Variants in MCC observed in about 807,000 individuals in gnomAD.
The protein encoded by MCC is colorectal mutant cancer protein.
Under a neutral mutation model 116.2 loss-of-function variants are expected in MCC, and 90 were observed. That is an observed-to-expected ratio of 0.77 (90% CI 0.65 to 0.92). The LOEUF (loss-of-function observed/expected upper bound fraction) is 0.92, where lower values mean the gene tolerates loss of function less well. Ranked by LOEUF, MCC falls within the 40% of genes least tolerant of loss-of-function variation. The pLI is 0.00. For missense variants in MCC, 1,516 were observed against 1,312.2 expected, an observed-to-expected ratio of 1.16 and a Z score of -2.40; for synonymous variants, 578 against 510.5, an observed-to-expected ratio of 1.13 and a Z score of -1.78.
chr5:113,060,419 C>T (rs191283272), intron 14 of MCC, among the ~76,000 whole-genome samples: 3 of 152,258 alleles, frequency 2.0e-5, no homozygotes, highest in Non-Finnish European at 4.4e-5. Flanking sequence ...TCCCAAAGTG[C>T]TGGGATTACA....
rs184857329 is a variant in MCC, at chr5:113,123,414, G to C, written c.885-588C>G. On this transcript the variant is annotated intron_variant, in intron 5 of 18. Transcript: ENST00000408903. ...GAAAGTAGGTAGAACTAGGGGGTAG[G>C]AAGAGAGGATGCAATGAGGAGAAAA... Among the ~76,000 whole-genome samples, 7 of 152,300 alleles carry C rather than the reference G, an allele frequency of 4.6e-5. No homozygotes were observed. The East Asian group carries it at 1.2e-3, about 25-fold the overall frequency.
At chr5:113,108,331 TAAAAAAAAAAAA>T (rs56780207) in intron 6 of MCC, among the ~76,000 whole-genome samples, 7 of 42,768 alleles carry the variant, frequency 1.6e-4, no homozygotes, top group South Asian at 1.9e-3. Flanking sequence ...CACTCTATCT[TAAAAAAAAAAAA>T]AAAAAAAAAA....
At chr5:113,472,777 G>A (rs1463823712) in intron 1 of MCC, among the ~76,000 whole-genome samples, 1 of 152,198 alleles carries the variant, frequency 6.6e-6, no homozygotes, top group African/African-American at 2.4e-5. Context: ...TTATTTCACA[G>A]ATGCTAATTC....
At chr5:113,423,628 A>C (rs2150408046) in intron 1 of MCC, among the ~76,000 whole-genome samples, 1 of 152,332 alleles carries the variant, frequency 6.6e-6, no homozygotes, top group East Asian at 1.9e-4. Flanking sequence ...CACCAGAGAA[A>C]GCCAGACTGA....
intron 1 of MCC, among the ~76,000 whole-genome samples, chr5:113,387,103 G>A (rs1769279331): frequency 6.6e-6 from 1 of 151,990 alleles, no homozygotes; most frequent in South Asian, 2.1e-4. Flanking sequence ...GTCATCATTA[G>A]GAGAAAAACA....
Position 113,071,182 on chromosome 5 carries a change from C to T in MCC, c.1837G>A (p.Glu613Lys). The T allele has an allele frequency of 6.2e-7, 1 of 1,614,148 alleles. No individual in the cohort carries two copies. The highest frequency in any genetic ancestry group is 8.5e-7 in the Non-Finnish European group (1 of 1,180,020). ...ATCCTCTCGGCATTGCTTTTACATTCCTCCAAGGTTATGGTCAGGAGGTCA... is the reference window on the plus strand; with the variant it reads ...ATCCTCTCGGCATTGCTTTTACATTTCTCCAAGGTTATGGTCAGGAGGTCA... ...QNDLLTITLE[E>K]CKSNAERMSM... Residue 613 changes from glutamate (E) to lysine (K), a missense_variant, in exon 12 of 19, where the codon GAA becomes AAA. Glu to Lys is a moderately conservative substitution (Grantham distance 56, BLOSUM62 1). Transcript: ENST00000408903.
In MCC at chr5:113,434,858, T is replaced by C; in HGVS notation, c.171-49646A>G. On this transcript the variant is annotated intron_variant, in intron 1 of 18. Coordinates refer to ENST00000408903, the MANE Select transcript of MCC (RefSeq NM_001085377.2). The surrounding 1 kb of genome is among the most constrained non-coding windows in gnomAD (Gnocchi z 4.2). ...CATCCATGGTGCCAGGAATGCCCAG[T>C]GCCTCTGAGGCTGCCCTCTACAGCC... is the stretch of plus-strand genomic sequence containing the variant. 1 of 1,596,356 alleles carries C rather than the reference T, an allele frequency of 6.3e-7. No individual in the cohort carries two copies. The highest frequency in any genetic ancestry group is 2.2e-5 in the East Asian group (1 of 44,640).
chr5:113,394,667 T>C (rs1769482051), intron 1 of MCC, among the ~76,000 whole-genome samples: 1 of 152,350 alleles, frequency 6.6e-6, no homozygotes, highest in Admixed American at 6.5e-5. Flanking sequence ...ATAAGTCACT[T>C]GAACAGCGTC....
At chr5:113,087,770 C>CTTTT (rs35866912) in intron 8 of MCC, among the ~76,000 whole-genome samples, 1 of 143,256 alleles carries the variant, frequency 7.0e-6, no homozygotes, top group African/African-American at 2.5e-5. Flanking sequence ...GCCTACTCAT[C>CTTTT]TTTTTTTTTT....
intron 3 of MCC, among the ~76,000 whole-genome samples, chr5:113,216,513 C>T (rs929037251): frequency 6.6e-6 from 1 of 152,182 alleles, no homozygotes; most frequent in Non-Finnish European, 1.5e-5. Context: ...TCCTTGAGGA[C>T]AAGGCCCATG....
At chr5:113,294,111 A>T (rs776777403) in intron 3 of MCC, among the ~76,000 whole-genome samples, 7 of 152,184 alleles carry the variant, frequency 4.6e-5, no homozygotes, top group Non-Finnish European at 7.3e-5. Flanking sequence ...TAAGCCACTC[A>T]TTTCAGACTG....
chr5:113,081,143 A>C (rs902019754), intron 11 of MCC, among the ~76,000 whole-genome samples: 9 of 152,168 alleles, frequency 5.9e-5, no homozygotes, highest in African/African-American at 1.9e-4. Context: ...TCCAACTTTG[A>C]GGTAGTTAGA....
chr5:113,119,338 TGA>T (rs1281792697), intron 6 of MCC, among the ~76,000 whole-genome samples: 1 of 151,970 alleles, frequency 6.6e-6, no homozygotes, highest in Non-Finnish European at 1.5e-5. Context: ...AGTGGCTGCC[TGA>T]GAGTGAGGGA....
intron 8 of MCC, among the ~76,000 whole-genome samples, chr5:113,096,650 G>A (rs1756043882): frequency 6.6e-6 from 1 of 152,200 alleles, no homozygotes. Flanking sequence ...GCATTTAAAT[G>A]CTGTGGTGGG....
intron 1 of MCC, among the ~76,000 whole-genome samples, chr5:113,485,636 G>A (rs561337912): frequency 1.3e-5 from 2 of 152,298 alleles, no homozygotes; most frequent in Non-Finnish European, 2.9e-5. Flanking sequence ...CCATGAGGAT[G>A]AATGCTTTAT....
rs1475301996 is a variant in MCC at position 113,049,118 on chromosome 5, C to T, written c.2630G>A (p.Ser877Asn). The T allele has an allele frequency of 2.5e-6, 4 of 1,614,076 alleles. No individual in the cohort carries two copies. In the Admixed American group the frequency reaches 6.7e-5, roughly 27 times the overall value. Residue 877 changes from serine (S) to asparagine (N), a missense_variant, in exon 16 of 19, where the codon AGC becomes AAC. By Grantham distance (46) the Ser-to-Asn change is conservative. Transcript: ENST00000408903. ...QRMRSLSSTS[S>N]GSKDKPGKEC... ...CTTGCCAGGTTTGTCTTTGCTGCCG[C>T]TGCTGGTGGAGCTGAGGGATCGCAT... is the stretch of plus-strand genomic sequence containing the variant.
rs1750375908 is a variant in MCC at position 113,024,303 on chromosome 5, GAA to G, written c.*2997_*2998del. 6.6e-6 allele frequency: 1 copy of G among 152,250 alleles called. No individual in the cohort carries two copies. The highest frequency in any genetic ancestry group is 6.5e-5 in the Admixed American group (1 of 15,288). The allele number at this position is 152,250 out of a possible 1,614,324, so 9.4% of individuals were successfully genotyped here. ...CGCTGACAAGCCAGCCGATGAGGATGAAAGTTTCAATAAGGAATCATACTGTT... is the reference window on the plus strand; with the variant it reads ...CGCTGACAAGCCAGCCGATGAGGATGAGTTTCAATAAGGAATCATACTGTT... On this transcript the variant is annotated 3_prime_UTR_variant, in exon 19 of 19. Coordinates refer to ENST00000408903, the MANE Select transcript of MCC (RefSeq NM_001085377.2).
At chr5:113,358,809 T>G (rs890347709) in intron 2 of MCC, among the ~76,000 whole-genome samples, 1 of 152,216 alleles carries the variant, frequency 6.6e-6, no homozygotes, top group African/African-American at 2.4e-5. Context: ...GTAAATCGCT[T>G]AGTCCACAAC....
Position 113,064,161 on chromosome 5 carries a change from T to A in MCC, c.2036A>T (p.Gln679Leu). 2 of 1,609,864 alleles carry A rather than the reference T, an allele frequency of 1.2e-6. No individual in the cohort carries two copies. The highest frequency in any genetic ancestry group is 1.7e-6 in the Non-Finnish European group (2 of 1,177,430). The change falls in exon 14 of 19, where the codon CAG becomes CTG. Residue 679 changes from glutamine to leucine, a missense_variant. Gln to Leu is a moderately radical substitution (Grantham distance 113). Transcript: ENST00000408903. ...AAGVGSSPGD[Q>L]SGDENITQML... ...CTGAGTGATGTTTTCATCCCCCGAC[T>A]GGTCTCCTATGTGGCAGAGAAGCCA...
Sources: gnomAD v4.1 joint callset for allele counts (sites outside exome capture counted in the v4.1 genomes callset) on GRCh38, gnomAD v4.1.1 for gene constraint, Gnocchi (gnomAD v3.1) non-coding constraint, MANE v1.5 for transcripts, NCBI Gene and HGNC (gene_info 2026-07-23, HGNC 2026-07-21) for gene names.